The following PIWIL1 variants were observed in gnomAD, a reference collection of about 807,000 sequenced individuals.
PIWIL1 encodes piwi like RNA-mediated gene silencing 1.
In PIWIL1, 73 loss-of-function variants were observed where a neutral mutation model predicts 114.4. The observed-to-expected ratio is 0.64, with a 90% confidence interval of 0.53 to 0.78. PIWIL1 has a LOEUF of 0.78. PIWIL1 is among the 30% of genes least tolerant of loss of function. The probability of loss-of-function intolerance (pLI) is 0.00; values close to 1 mark genes in which losing one functional copy is unlikely to be tolerated. For missense variants in PIWIL1, 723 were observed against 1,063.1 expected (o/e 0.68, Z 4.45); for synonymous variants, 375 against 369.0 (o/e 1.02, Z -0.19).
At chr12:130,422,190 C>A in the PIWIL1 span, among the ~76,000 whole-genome samples, 7 of 152,160 alleles carry the variant, frequency 4.6e-5, no homozygotes, top group East Asian at 1.9e-4. This position sits in a 1 kb window ranked among gnomAD's most constrained non-coding sequence, Gnocchi z 5.2. Context: ...AGTGGTCCCC[C>A]CTTCAGTGCT....
the PIWIL1 span, among the ~76,000 whole-genome samples, chr12:130,393,199 T>G: frequency 1.4e-5 from 2 of 145,932 alleles, no homozygotes; most frequent in Admixed American, 6.7e-5. Context: ...AATGTTGTGA[T>G]GACCCGGTCA....
chr12:130,402,124 T>C, the PIWIL1 span, among the ~76,000 whole-genome samples: 6 of 152,322 alleles, frequency 3.9e-5, no homozygotes, highest in African/African-American at 1.4e-4. Context: ...CCCTTCCCCA[T>C]GTCTGATGCC....
the PIWIL1 span, chr12:130,407,848 G>C: frequency 1.9e-6 from 3 of 1,601,352 alleles, no homozygotes; most frequent in Non-Finnish European, 1.7e-6. Context: ...ATCACAAGGG[G>C]GAAAGAAATC....
chr12:130,373,974 T>G (rs2073847453), downstream of PIWIL1, among the ~76,000 whole-genome samples: 1 of 152,188 alleles, frequency 6.6e-6, no homozygotes, highest in Non-Finnish European at 1.5e-5. Context: ...TTAAACACAC[T>G]GACCTCAGGC....
chr12:130,359,429 C>T (rs2073451597), intron 14 of PIWIL1, among the ~76,000 whole-genome samples: 1 of 152,198 alleles, frequency 6.6e-6, no homozygotes, highest in African/African-American at 2.4e-5. Context: ...TCTTTGCACT[C>T]TACACCCCCA....
the PIWIL1 span, among the ~76,000 whole-genome samples, chr12:130,402,176 T>C: frequency 0.98 from 148,617 of 152,218 alleles, 72,650 homozygotes; most frequent in East Asian, 1. Flanking sequence ...ACGACGGGAC[T>C]TGCTCGCGGT....
chr12:130,359,781 G>C (rs2073460417), intron 14 of PIWIL1, among the ~76,000 whole-genome samples: 1 of 152,090 alleles, frequency 6.6e-6, no homozygotes. Context: ...AGGGAACATG[G>C]AACTTGCAAA....
At chr12:130,378,440 G>T in the PIWIL1 span, among the ~76,000 whole-genome samples, 2 of 152,214 alleles carry the variant, frequency 1.3e-5, no homozygotes, top group African/African-American at 4.8e-5. Flanking sequence ...ACACTGTTGA[G>T]GATTTTGTGT....
At chr12:130,424,638 G>T in the PIWIL1 span, 1 of 1,231,898 alleles carries the variant, frequency 8.1e-7, no homozygotes, top group Admixed American at 4.2e-5. This position sits in a 1 kb window ranked among gnomAD's most constrained non-coding sequence, Gnocchi z 9.8. Context: ...GCCCCGAGGG[G>T]CCTCGTCGCC....
At chr12:130,394,574 A>G in the PIWIL1 span, among the ~76,000 whole-genome samples, 6 of 152,202 alleles carry the variant, frequency 3.9e-5, no homozygotes, top group African/African-American at 1.4e-4. Context: ...ACTTTTCCCA[A>G]GAACCCAGTT....
chr12:130,399,511 A>C, the PIWIL1 span, among the ~76,000 whole-genome samples: 2 of 152,192 alleles, frequency 1.3e-5, no homozygotes, highest in African/African-American at 4.8e-5. Context: ...AAGATTTAGA[A>C]TTAAGAATTT....
chr12:130,405,697 C>T, the PIWIL1 span, among the ~76,000 whole-genome samples: 1 of 152,080 alleles, frequency 6.6e-6, no homozygotes, highest in East Asian at 1.9e-4. Flanking sequence ...TGGGGGGTTC[C>T]AAGCTGCTAA....
At chr12:130,416,847 C>T in the PIWIL1 span, among the ~76,000 whole-genome samples, 4 of 151,868 alleles carry the variant, frequency 2.6e-5, no homozygotes, top group Non-Finnish European at 5.9e-5. Flanking sequence ...CCGGAATCTG[C>T]AAGGAACTTA....
intron 11 of PIWIL1, 43 bp from the exon 12 acceptor site, chr12:130,355,510 G>A: frequency 7.3e-7 from 1 of 1,361,462 alleles, no homozygotes; most frequent in Non-Finnish European, 1.1e-6. Flanking sequence ...TCTTCTTGCT[G>A]TGTCTCTTTG....
chr12:130,413,695 A>C, the PIWIL1 span, among the ~76,000 whole-genome samples: 1 of 150,434 alleles, frequency 6.6e-6, no homozygotes, highest in Admixed American at 6.6e-5. Flanking sequence ...AACCTCCATC[A>C]GGTGTATTAA....
chr12:130,367,849 G>A (rs1296139825), intron 19 of PIWIL1, among the ~76,000 whole-genome samples: 1 of 152,212 alleles, frequency 6.6e-6, no homozygotes, highest in Non-Finnish European at 1.5e-5. Flanking sequence ...CCAGGCTGGA[G>A]TGCAGTAGCA....
In PIWIL1 at chr12:130,346,943, T is replaced by C. The variant is rs1036461099; in HGVS notation, c.534T>C (p.Val178=). Residue 178 remains valine, a splice_region_variant and synonymous_variant, in exon 6 of 21, where the codon GTT becomes GTC. Coordinates refer to ENST00000245255, the MANE Select transcript of PIWIL1 (RefSeq NM_004764.5). ...LFLPKRLQQK[V]TEVFSKTRNG... is the part of the protein sequence containing the mutation. ...GTTTTCCACCTCTCTGGCTTCAGGT[T>C]ACTGAAGTTTTTAGTAAGACCCGGA... 2.5e-6 allele frequency: 4 copies of C among 1,611,666 alleles called. No homozygotes were observed. The African/African-American group carries it at 5.3e-5, about 22-fold the overall frequency.
the PIWIL1 span, chr12:130,399,194 A>G: frequency 1.6e-6 from 2 of 1,225,380 alleles, no homozygotes; most frequent in African/African-American, 3.2e-5. Context: ...AGAAATAAAA[A>G]TATATATATA....
At position 130,371,572 on chromosome 12, in the gene PIWIL1, C is replaced by T; in HGVS notation, c.2560C>T (p.Leu854=). Residue 854 remains leucine (L), a synonymous_variant, in exon 21 of 21, where the codon CTG becomes TTG. Transcript: ENST00000245255. ...QSIHREPNLS[L]SNRLYYL Reference sequence around the variant, plus strand: ...TATTCACAGAGAGCCAAATCTGTCACTGTCAAACCGCCTTTACTACCTCTA... The same window carrying T: ...TATTCACAGAGAGCCAAATCTGTCATTGTCAAACCGCCTTTACTACCTCTA... 6.2e-7 allele frequency: 1 copy of T among 1,613,230 alleles called. No individual in the cohort carries two copies. Among genetic ancestry groups the T allele is most frequent in the African/African-American group, 1.3e-5 (1 of 75,018 alleles).
Sources: allele counts gnomAD v4.1 joint callset (sites outside exome capture counted in the v4.1 genomes callset), GRCh38; gene constraint gnomAD v4.1.1; non-coding constraint Gnocchi (gnomAD v3.1); transcripts MANE v1.5; gene names NCBI Gene and HGNC (gene_info 2026-07-23, HGNC 2026-07-21).